Variants in EPB41L4A observed in about 807,000 individuals in gnomAD.
EPB41L4A encodes erythrocyte membrane protein band 4.1 like 4A.
A neutral mutation model predicts 108.6 loss-of-function variants in EPB41L4A; 100 were observed. The ratio of observed to expected loss-of-function variants is 0.92; its 90% confidence interval spans 0.78 to 1.09. The LOEUF is 1.09. EPB41L4A is among the 50% of genes least tolerant of loss of function. The pLI is 0.00. For synonymous variants in EPB41L4A, 319 were observed against 289.0 expected, an observed-to-expected ratio of 1.10 and a Z score of -1.05; for missense variants, 1,030 against 842.7, an observed-to-expected ratio of 1.22 and a Z score of -2.75.
chr5:112,158,060 G>C (rs777978946), downstream of EPB41L4A, among the ~76,000 whole-genome samples: 2 of 152,196 alleles, frequency 1.3e-5, no homozygotes, highest in Non-Finnish European at 2.9e-5. Context: ...ATTTTGAATT[G>C]ATTTCCTAAA....
intron 22 of EPB41L4A, 23 bp from the exon 23 acceptor site, chr5:112,165,141 A>T: frequency 6.5e-7 from 1 of 1,541,968 alleles, no homozygotes; most frequent in East Asian, 2.3e-5. Context: ...TGAAAAATGT[A>T]GAAAGATTCA....
intron 15 of EPB41L4A, among the ~76,000 whole-genome samples, chr5:112,202,022 C>T (rs1475953122): frequency 1.3e-5 from 2 of 152,142 alleles, no homozygotes; most frequent in Non-Finnish European, 2.9e-5. Flanking sequence ...AGATAGAAAG[C>T]CTGGAAATTT....
At chr5:112,179,830 A>T (rs1761055302) in intron 18 of EPB41L4A, among the ~76,000 whole-genome samples, 1 of 152,194 alleles carries the variant, frequency 6.6e-6, no homozygotes, top group African/African-American at 2.4e-5. Flanking sequence ...GTGTAAGGGA[A>T]GGAACAGAAA....
At chr5:112,381,040 G>A (rs535823272) in intron 1 of EPB41L4A, among the ~76,000 whole-genome samples, 1 of 152,222 alleles carries the variant, frequency 6.6e-6, no homozygotes, top group East Asian at 1.9e-4. Flanking sequence ...GCACCTTCTG[G>A]GGATATCCAA....
chr5:112,346,350 T>C (rs1757676715), intron 1 of EPB41L4A, among the ~76,000 whole-genome samples: 1 of 150,134 alleles, frequency 6.7e-6, no homozygotes, highest in Admixed American at 6.7e-5. Context: ...CTCAGCCTCC[T>C]GTAGCTGCGA....
chr5:112,341,838 A>G (rs561344510), intron 1 of EPB41L4A, among the ~76,000 whole-genome samples: 2 of 152,264 alleles, frequency 1.3e-5, no homozygotes, highest in South Asian at 4.2e-4. Context: ...AACACTCTAA[A>G]CATAGAGCCC....
chr5:112,203,807 C>T (rs1350811733), intron 15 of EPB41L4A, among the ~76,000 whole-genome samples: 4 of 151,890 alleles, frequency 2.6e-5, no homozygotes, highest in Non-Finnish European at 4.4e-5. Flanking sequence ...TTTGGGAGGC[C>T]GAGGCGGGTG....
At chr5:112,227,391 G>C (rs1370956588) in intron 12 of EPB41L4A, among the ~76,000 whole-genome samples, 2 of 152,124 alleles carry the variant, frequency 1.3e-5, no homozygotes, top group African/African-American at 2.4e-5. Context: ...TGAATAGAAA[G>C]ACATCCTTTT....
intron 2 of EPB41L4A, among the ~76,000 whole-genome samples, chr5:112,305,816 A>G (rs190447017): frequency 5.0e-4 from 76 of 152,330 alleles, no homozygotes; most frequent in African/African-American, 1.8e-3. Flanking sequence ...CATCAAAACA[A>G]TATGACTTAA....
intron 1 of EPB41L4A, among the ~76,000 whole-genome samples, chr5:112,355,017 T>C (rs138445322): frequency 3.3e-5 from 5 of 152,146 alleles, no homozygotes; most frequent in African/African-American, 7.2e-5. Context: ...AAAATTGAAA[T>C]AGGACCAGAA....
At chr5:112,314,413 A>C (rs529403679) in intron 1 of EPB41L4A, among the ~76,000 whole-genome samples, 1 of 144,802 alleles carries the variant, frequency 6.9e-6, no homozygotes, top group Admixed American at 7.3e-5. Context: ...CATGCCTGTA[A>C]TCCCAGCAAT....
intron 22 of EPB41L4A, among the ~76,000 whole-genome samples, chr5:112,166,329 T>C (rs1197938529): frequency 6.6e-6 from 1 of 152,180 alleles, no homozygotes; most frequent in Non-Finnish European, 1.5e-5. Flanking sequence ...GCCAGATGAG[T>C]GGCTTCCTTT....
intron 1 of EPB41L4A, among the ~76,000 whole-genome samples, chr5:112,386,211 T>C (rs1007837529): frequency 6.6e-6 from 1 of 152,190 alleles, no homozygotes; most frequent in East Asian, 1.9e-4. Context: ...CCTGGAAATG[T>C]ACAGTGAAGA....
chr5:112,272,581 AC>A (rs1341818651), intron 4 of EPB41L4A, among the ~76,000 whole-genome samples: 1 of 151,806 alleles, frequency 6.6e-6, no homozygotes, highest in Non-Finnish European at 1.5e-5. Context: ...GGAGTTCAAG[AC>A]CAGCCTGCCC....
chr5:112,261,801 G>T (rs570071629), intron 7 of EPB41L4A, among the ~76,000 whole-genome samples: 1 of 151,920 alleles, frequency 6.6e-6, no homozygotes, highest in South Asian at 2.1e-4. Flanking sequence ...CCTGGCAAGT[G>T]ATTGTATTTA....
In EPB41L4A at chr5:112,164,809, G is replaced by A; in HGVS notation, c.*181C>T. On this transcript the variant is annotated 3_prime_UTR_variant, in exon 23 of 23. Transcript: ENST00000261486. ...ACACGGTGCCGCTGCACTCCAGCCTGGGCGACAGAGTGATAACATCTCAAA... is the reference window on the plus strand; with the variant it reads ...ACACGGTGCCGCTGCACTCCAGCCTAGGCGACAGAGTGATAACATCTCAAA... 2 of 555,862 alleles carry A rather than the reference G, an allele frequency of 3.6e-6. No homozygotes were observed. The highest frequency in any genetic ancestry group is 3.0e-5 in the South Asian group (1 of 33,266). 34.4% of individuals were successfully genotyped at this position (555,862 alleles called of 1,614,324 possible). A position where few individuals can be genotyped will look rare whatever the true frequency, so the allele number is the denominator to read the frequency against.
chr5:112,203,533 T>G (rs1762316629), intron 15 of EPB41L4A, among the ~76,000 whole-genome samples: 1 of 152,192 alleles, frequency 6.6e-6, no homozygotes. Flanking sequence ...CCAGCCTGCT[T>G]TGCAGAGAGG....
Position 112,246,183 on chromosome 5 carries a change from T to C in EPB41L4A, c.796-5373A>G, listed in dbSNP as rs555415169. 9.8e-5 allele frequency among the ~76,000 whole-genome samples: 15 copies of C among 152,308 alleles called. 1 individual carries two copies. The highest frequency in any genetic ancestry group is 3.6e-4 in the African/African-American group (15 of 41,574). ...GAGCCCTTAGGGAGAAATTTTTTTT[T>C]CTTTTAGTTTTCTTTTTTTAAATAT... On this transcript the variant is annotated intron_variant, in intron 9 of 22. Transcript: ENST00000261486.
intron 1 of EPB41L4A, among the ~76,000 whole-genome samples, chr5:112,360,621 T>C (rs1430114092): frequency 6.6e-6 from 1 of 152,174 alleles, no homozygotes; most frequent in African/African-American, 2.4e-5. Context: ...CTCGGCTCGC[T>C]ACAACCTCCA....
Sources: allele counts gnomAD v4.1 joint callset (sites outside exome capture counted in the v4.1 genomes callset), GRCh38; gene constraint gnomAD v4.1.1; transcripts MANE v1.5; gene names NCBI Gene and HGNC (gene_info 2026-07-23, HGNC 2026-07-21).